The following CDYL variants were observed in gnomAD, a reference collection of about 807,000 sequenced individuals.
CDYL encodes the protein chromodomain Y like.
A neutral mutation model predicts 47.3 loss-of-function variants in CDYL; 8 were observed. The observed-to-expected ratio is 0.17, with a 90% CI of 0.10 to 0.31. The LOEUF is 0.31. Ranked by LOEUF, CDYL falls within the 10% of genes least tolerant of loss-of-function variation. CDYL has a pLI of 1.00. For missense variants in CDYL, 471 were observed against 701.4 expected (o/e 0.67, Z 3.71); for synonymous variants, 266 against 265.0 (o/e 1.00, Z -0.04).
intron 3 of CDYL, among the ~76,000 whole-genome samples, chr6:4,738,835 C>T (rs1757747330): frequency 6.6e-6 from 1 of 152,206 alleles, no homozygotes; most frequent in African/African-American, 2.4e-5. Flanking sequence ...AACAAAGGAA[C>T]CAGATTTATA....
At chr6:4,754,117 A>G (rs1292807667) in intron 3 of CDYL, among the ~76,000 whole-genome samples, 1 of 152,224 alleles carries the variant, frequency 6.6e-6, no homozygotes, top group Non-Finnish European at 1.5e-5. Flanking sequence ...AGTCTGGGCA[A>G]TAGAGCGAGA....
intron 1 of CDYL, among the ~76,000 whole-genome samples, chr6:4,786,474 C>A (rs1758759956): frequency 6.6e-6 from 1 of 152,016 alleles, no homozygotes. Context: ...ATTAGCTGAT[C>A]TGGTGAAATG....
intron 1 of CDYL, among the ~76,000 whole-genome samples, chr6:4,814,882 T>G (rs1759627138): frequency 6.6e-6 from 1 of 152,144 alleles, no homozygotes; most frequent in Non-Finnish European, 1.5e-5. Flanking sequence ...TGTCAGCTTG[T>G]TGTAGGGTTT....
chr6:4,785,162 A>G (rs1368621972), intron 1 of CDYL, among the ~76,000 whole-genome samples: 1 of 152,236 alleles, frequency 6.6e-6, no homozygotes, highest in East Asian at 1.9e-4. Context: ...TGGAAGCAAT[A>G]GGCTCTACCA....
At chr6:4,909,391 C>G (rs559307069) in intron 2 of CDYL, among the ~76,000 whole-genome samples, 1 of 152,190 alleles carries the variant, frequency 6.6e-6, no homozygotes, top group African/African-American at 2.4e-5. Flanking sequence ...TCCTTATTAT[C>G]AGCTCTGCTG....
intron 1 of CDYL, among the ~76,000 whole-genome samples, chr6:4,862,006 T>C (rs1761182940): frequency 6.6e-6 from 1 of 152,092 alleles, no homozygotes; most frequent in South Asian, 2.1e-4. Flanking sequence ...AAACAGGAAG[T>C]AAAGGGACCC....
intron 1 of CDYL, among the ~76,000 whole-genome samples, chr6:4,795,147 C>CT (rs11331931): frequency 7.1e-4 from 105 of 147,486 alleles, no homozygotes; most frequent in Admixed American, 1.5e-3. Flanking sequence ...GTTAGATGCT[C>CT]TTTTTTAAAA....
intron 1 of CDYL, among the ~76,000 whole-genome samples, chr6:4,814,860 A>G (rs1759626501): frequency 6.6e-6 from 1 of 152,210 alleles, no homozygotes; most frequent in Non-Finnish European, 1.5e-5. Context: ...CAGATGTGCC[A>G]TGTGGGATTC....
chr6:4,926,858 G>A (rs1757889727), intron 2 of CDYL, among the ~76,000 whole-genome samples: 1 of 152,122 alleles, frequency 6.6e-6, no homozygotes, highest in Non-Finnish European at 1.5e-5. Context: ...GATGGGCAGT[G>A]GAAGGACACA....
intron 1 of CDYL, among the ~76,000 whole-genome samples, chr6:4,830,152 G>A (rs948144045): frequency 1.3e-5 from 2 of 152,258 alleles, no homozygotes; most frequent in African/African-American, 4.8e-5. Context: ...TATTCAAGGT[G>A]TGCGTAAGCA....
chr6:4,745,377 G>T (rs1478193511), intron 3 of CDYL, among the ~76,000 whole-genome samples: 8 of 152,080 alleles, frequency 5.3e-5, no homozygotes, highest in Non-Finnish European at 8.8e-5. Flanking sequence ...GACCAAGTAT[G>T]ATTTGAAGAC....
chr6:4,933,941 G>C (rs1419169161), intron 2 of CDYL, among the ~76,000 whole-genome samples: 1 of 152,248 alleles, frequency 6.6e-6, no homozygotes, highest in Non-Finnish European at 1.5e-5. Context: ...CTGCCACGCA[G>C]CCTTAGGAAA....
chr6:4,915,059 C>T (rs1561706322), intron 2 of CDYL, among the ~76,000 whole-genome samples: 1 of 152,204 alleles, frequency 6.6e-6, no homozygotes, highest in East Asian at 1.9e-4. Flanking sequence ...GGCCCAACCT[C>T]GTAGATCATG....
In CDYL at chr6:4,954,029, C is replaced by T. The variant is rs1197215053; in HGVS notation, c.1608C>T (p.Tyr536=). The T allele has an allele frequency of 2.5e-6, 4 of 1,613,830 alleles. No individual in the cohort carries two copies. In the African/African-American group the frequency reaches 4.0e-5, roughly 16 times the overall value. ...AGGGGATGGACTCCATGTTAAAGTACTTGCAGAGGAAGATCGATGAGTTCT... is the reference window on the plus strand; with the variant it reads ...AGGGGATGGACTCCATGTTAAAGTATTTGCAGAGGAAGATCGATGAGTTCT... ...SAQGMDSMLK[Y]LQRKIDEF is the part of the protein sequence containing the mutation. Residue 536 remains tyrosine, a synonymous_variant, in exon 7 of 7, where the codon TAC becomes TAT. Transcript: ENST00000397588.
intron 1 of CDYL, among the ~76,000 whole-genome samples, chr6:4,853,918 G>C (rs1280822020): frequency 6.6e-6 from 1 of 152,202 alleles, no homozygotes; most frequent in Non-Finnish European, 1.5e-5. Flanking sequence ...TGCTTCTTGG[G>C]ATCCTCCTCC....
chr6:4,820,501 A>C (rs917335103), intron 1 of CDYL, among the ~76,000 whole-genome samples: 1 of 152,176 alleles, frequency 6.6e-6, no homozygotes, highest in Non-Finnish European at 1.5e-5. Context: ...CTCTGGCAGC[A>C]TCGGACCTTT....
At chr6:4,901,935 C>G (rs1197003390) in intron 2 of CDYL, among the ~76,000 whole-genome samples, 1 of 152,118 alleles carries the variant, frequency 6.6e-6, no homozygotes, top group African/African-American at 2.4e-5. Context: ...AAGCAAGGTG[C>G]CCCCGCAGCT....
intron 4 of CDYL, among the ~76,000 whole-genome samples, chr6:4,941,784 A>G (rs1459911099): frequency 6.6e-6 from 1 of 152,118 alleles, no homozygotes; most frequent in Non-Finnish European, 1.5e-5. Context: ...GACTTTGATC[A>G]TCGCTTTTAT....
chr6:4,847,030 C>G (rs1760680836), intron 1 of CDYL, among the ~76,000 whole-genome samples: 1 of 152,226 alleles, frequency 6.6e-6, no homozygotes, highest in Non-Finnish European at 1.5e-5. Context: ...ACTACGTTTA[C>G]ACAGCCCTGC....
Sources: gnomAD v4.1 joint callset for allele counts (sites outside exome capture counted in the v4.1 genomes callset) on GRCh38, gnomAD v4.1.1 for gene constraint, MANE v1.5 for transcripts, NCBI Gene and HGNC (gene_info 2026-07-23, HGNC 2026-07-21) for gene names.